SLC2A9: variants seen among roughly 807,000 people sequenced by gnomAD.
SLC2A9 encodes the protein solute carrier family 2 member 9, also known as solute carrier family 2, facilitated glucose transporter member 9.
Under a neutral mutation model 50.6 loss-of-function variants are expected in SLC2A9, and 39 were observed. The observed-to-expected ratio is 0.77, with a 90% CI of 0.60 to 1.01. SLC2A9 has a LOEUF of 1.01. Ranked by LOEUF, SLC2A9 falls within the 50% of genes least tolerant of loss-of-function variation. The probability of loss-of-function intolerance (pLI) is 0.00; values close to 1 mark genes in which losing one functional copy is unlikely to be tolerated. For synonymous variants in SLC2A9, 324 were observed against 276.9 expected (o/e 1.17, Z -1.69); for missense variants, 686 against 677.6 (o/e 1.01, Z -0.14).
At chr4:9,812,122 T>C (rs1722970901) in intron 3 of SLC2A9, among the ~76,000 whole-genome samples, 2 of 152,222 alleles carry the variant, frequency 1.3e-5, no homozygotes, top group African/African-American at 4.8e-5. Context: ...TGTTATTACA[T>C]GCAACTCGGT....
intron 10 of SLC2A9, among the ~76,000 whole-genome samples, chr4:9,861,918 T>A (rs1374885108): frequency 6.6e-6 from 1 of 152,210 alleles, no homozygotes; most frequent in Non-Finnish European, 1.5e-5. Flanking sequence ...CTTCCCATGG[T>A]ATTGAAAGTA....
chr4:10,038,693 T>C (rs1409882253), intron 1 of SLC2A9, among the ~76,000 whole-genome samples: 2 of 152,182 alleles, frequency 1.3e-5, no homozygotes, highest in African/African-American at 2.4e-5. Flanking sequence ...TTGATGGATC[T>C]TGATGTTTTA....
intron 10 of SLC2A9, among the ~76,000 whole-genome samples, chr4:9,862,049 C>T (rs567589174): frequency 2.0e-5 from 3 of 152,272 alleles, no homozygotes; most frequent in South Asian, 2.1e-4. Flanking sequence ...CCCCAAAACA[C>T]GAAGAACTGT....
rs748372830 is a variant in SLC2A9 at position 10,021,368 on chromosome 4, G to C, written c.62C>G (p.Thr21Ser). 44 of 1,614,130 alleles carry C rather than the reference G, an allele frequency of 2.7e-5. No individual in the cohort carries two copies. The South Asian group carries it at 3.8e-4, about 14-fold the overall frequency. Reference sequence around the variant, plus strand: ...TGGCCCTGGAGGCCCGGCGTGGCTGGTGTCATCTGTGAGGGGAACTAGGCC... The same window carrying C: ...TGGCCCTGGAGGCCCGGCGTGGCTGCTGTCATCTGTGAGGGGAACTAGGCC... ...ELGLVPLTDD[T>S]SHAGPPGPGR... Residue 21 changes from threonine (T) to serine (S), a missense_variant, in exon 1 of 12, where the codon ACC (threonine) becomes AGC (serine). By Grantham distance (58) the Thr-to-Ser change is moderately conservative. Coordinates refer to ENST00000264784, the MANE Select transcript of SLC2A9 (RefSeq NM_020041.3).
chr4:9,835,032 G>A (rs545296486), intron 10 of SLC2A9, 24 bp from the exon 11 acceptor site: 2 of 1,612,448 alleles, frequency 1.2e-6, no homozygotes, highest in South Asian at 1.1e-5. Context: ...GCCAGGACAT[G>A]GAATTAATCA....
At chr4:9,961,767 AACAG>A (rs1169741022) in intron 5 of SLC2A9, among the ~76,000 whole-genome samples, 3 of 152,228 alleles carry the variant, frequency 2.0e-5, no homozygotes, top group Admixed American at 6.5e-5. Context: ...CATCAGAGAA[AACAG>A]ACAGCCTACA....
At chr4:9,929,920 C>T (rs956093663) in intron 6 of SLC2A9, among the ~76,000 whole-genome samples, 2 of 152,160 alleles carry the variant, frequency 1.3e-5, no homozygotes, top group Admixed American at 6.5e-5. Context: ...CAGACACTGC[C>T]TTCTCACTTC....
intron 1 of SLC2A9, among the ~76,000 whole-genome samples, chr4:10,032,653 C>T (rs945550774): frequency 6.6e-6 from 1 of 152,160 alleles, no homozygotes; most frequent in Non-Finnish European, 1.5e-5. Context: ...CCAAGGATCA[C>T]AGGAGACAAG....
At chr4:9,961,950 G>A (rs1447825843) in intron 5 of SLC2A9, among the ~76,000 whole-genome samples, 2 of 152,112 alleles carry the variant, frequency 1.3e-5, no homozygotes, top group Non-Finnish European at 2.9e-5. Flanking sequence ...ATGTGGTCAA[G>A]AAACATATGA....
intron 1 of SLC2A9, among the ~76,000 whole-genome samples, chr4:9,773,867 G>T (rs1717168355): frequency 6.6e-6 from 1 of 152,152 alleles, no homozygotes; most frequent in African/African-American, 2.4e-5. Context: ...GCAGCTCATG[G>T]AGCCCTTCCA....
intron 2 of SLC2A9, among the ~76,000 whole-genome samples, chr4:10,007,486 C>CTTTG (rs1454826522): frequency 2.6e-5 from 4 of 152,220 alleles, no homozygotes; most frequent in Non-Finnish European, 5.9e-5. Context: ...CCTCAGCCAC[C>CTTTG]TTTGCAGTGA....
At chr4:9,795,790 T>C (rs936002431), downstream of SLC2A9, among the ~76,000 whole-genome samples, 3 of 152,200 alleles carry the variant, frequency 2.0e-5, no homozygotes, top group African/African-American at 7.2e-5. Flanking sequence ...TCCTGTTTCC[T>C]TGTGTGGCTA....
intron 5 of SLC2A9, among the ~76,000 whole-genome samples, chr4:9,945,553 C>T (rs375037541): frequency 6.6e-6 from 1 of 152,214 alleles, no homozygotes. Context: ...GGCCACAACT[C>T]GGTCATAGAG....
At chr4:9,989,935 C>A (rs945700988) in intron 3 of SLC2A9, among the ~76,000 whole-genome samples, 1 of 152,130 alleles carries the variant, frequency 6.6e-6, no homozygotes, top group East Asian at 2.0e-4. Flanking sequence ...TCCTTCAGTG[C>A]TCCCTGCACA....
At chr4:9,888,593 C>A (rs1736737254) in intron 9 of SLC2A9, among the ~76,000 whole-genome samples, 3 of 151,894 alleles carry the variant, frequency 2.0e-5, no homozygotes. Context: ...CCAGGAGAGG[C>A]CACCTGACTT....
chr4:9,925,118 C>T (rs1034504648), intron 6 of SLC2A9, among the ~76,000 whole-genome samples: 6 of 152,222 alleles, frequency 3.9e-5, no homozygotes, highest in African/African-American at 1.4e-4. Context: ...CTGGAAAAGG[C>T]ACTCGTCCTC....
intron 10 of SLC2A9, among the ~76,000 whole-genome samples, chr4:9,878,566 C>T (rs939797335): frequency 6.6e-6 from 1 of 151,870 alleles, no homozygotes; most frequent in South Asian, 2.1e-4. Flanking sequence ...CGTGATGCAC[C>T]CCCATACCTT....
At chr4:9,857,269 G>A (rs930292563) in intron 10 of SLC2A9, among the ~76,000 whole-genome samples, 3 of 152,136 alleles carry the variant, frequency 2.0e-5, no homozygotes, top group Admixed American at 2.0e-4. Flanking sequence ...GGTTTTCCCA[G>A]CTGCAGAGCA....
intron 2 of SLC2A9, among the ~76,000 whole-genome samples, chr4:10,008,645 A>C (rs1350383912): frequency 6.6e-6 from 1 of 152,210 alleles, no homozygotes; most frequent in African/African-American, 2.4e-5. Context: ...GATCTTCAGA[A>C]AAAAGAGTGG....
Sources: allele counts gnomAD v4.1 joint callset (sites outside exome capture counted in the v4.1 genomes callset), GRCh38; gene constraint gnomAD v4.1.1; transcripts MANE v1.5; gene names NCBI Gene and HGNC (gene_info 2026-07-23, HGNC 2026-07-21).